Variants in ADAMTS17 observed in about 807,000 individuals in gnomAD.
ADAMTS17 encodes A disintegrin and metalloproteinase with thrombospondin motifs 17.
Under a neutral mutation model 141.5 loss-of-function variants are expected in ADAMTS17, and 113 were observed. The observed-to-expected ratio is 0.80, with a 90% CI of 0.69 to 0.93. The LOEUF (loss-of-function observed/expected upper bound fraction) is 0.93. Ranked by LOEUF, ADAMTS17 falls within the 40% of genes least tolerant of loss-of-function variation. The pLI, the probability that ADAMTS17 is intolerant of heterozygous loss-of-function variation, is 0.00. For synonymous variants in ADAMTS17, 768 were observed against 630.6 expected, an observed-to-expected ratio of 1.22 and a Z score of -3.27; for missense variants, 1,659 against 1,517.9, an observed-to-expected ratio of 1.09 and a Z score of -1.54.
intron 4 of ADAMTS17, among the ~76,000 whole-genome samples, chr15:100,271,289 T>G (rs578220037): frequency 7.9e-5 from 12 of 152,242 alleles, no homozygotes; most frequent in Non-Finnish European, 1.6e-4. Context: ...TGCTAGATCA[T>G]ATGGTAATTC....
intron 18 of ADAMTS17, among the ~76,000 whole-genome samples, chr15:100,015,225 C>T (rs1354832798): frequency 6.6e-6 from 1 of 152,086 alleles, no homozygotes; most frequent in Admixed American, 6.5e-5. Flanking sequence ...TGCCTTTTTC[C>T]ACCCCTTTAC....
At chr15:100,168,980 T>C (rs1274058280) in intron 8 of ADAMTS17, among the ~76,000 whole-genome samples, 2 of 152,164 alleles carry the variant, frequency 1.3e-5, no homozygotes, top group Non-Finnish European at 2.9e-5. Flanking sequence ...ATGGCAGATG[T>C]GTTGGGCATC....
chr15:100,109,502 G>C (rs556297263), intron 13 of ADAMTS17, among the ~76,000 whole-genome samples: 73 of 152,168 alleles, frequency 4.8e-4, no homozygotes, highest in African/African-American at 1.7e-3. Context: ...GGAGGGGAAG[G>C]GGAACGAGAA....
chr15:100,316,789 CCTCT>C (rs1161591833), intron 3 of ADAMTS17, among the ~76,000 whole-genome samples: 3 of 149,500 alleles, frequency 2.0e-5, no homozygotes, highest in South Asian at 4.1e-4. Flanking sequence ...ACATGCATTC[CCTCT>C]CTCTCAGAGA....
chr15:100,035,637 C>T (rs2030630648), intron 18 of ADAMTS17, among the ~76,000 whole-genome samples: 1 of 151,992 alleles, frequency 6.6e-6, no homozygotes, highest in Admixed American at 6.5e-5. Context: ...TGCCGAGTCT[C>T]GGGGCTAGCT....
At chr15:100,316,062 A>C (rs2045556579) in intron 3 of ADAMTS17, among the ~76,000 whole-genome samples, 1 of 152,264 alleles carries the variant, frequency 6.6e-6, no homozygotes, top group Non-Finnish European at 1.5e-5. Flanking sequence ...CAGGTTGTTC[A>C]TGCAGGAAGA....
chr15:100,171,483 C>T (rs140538678), intron 8 of ADAMTS17, among the ~76,000 whole-genome samples: 33 of 152,298 alleles, frequency 2.2e-4, no homozygotes, highest in Non-Finnish European at 3.4e-4. Context: ...GTGACACAAA[C>T]CCTGACCCCT....
intron 3 of ADAMTS17, among the ~76,000 whole-genome samples, chr15:100,322,696 T>C (rs976215553): frequency 6.6e-6 from 1 of 152,208 alleles, no homozygotes; most frequent in African/African-American, 2.4e-5. Flanking sequence ...GAAAATGTGC[T>C]CATGATGGAT....
chr15:99,977,302 G>A (rs2060355886), intron 20 of ADAMTS17, among the ~76,000 whole-genome samples: 1 of 135,458 alleles, frequency 7.4e-6, no homozygotes, highest in Non-Finnish European at 1.5e-5. Context: ...TTCCCAAGGA[G>A]TGGACCCGGT....
chr15:100,333,140 C>T (rs1286722474), intron 2 of ADAMTS17, among the ~76,000 whole-genome samples: 3 of 152,254 alleles, frequency 2.0e-5, no homozygotes, highest in East Asian at 1.9e-4. Context: ...CTAAATAAAC[C>T]CCCTTCCCCG....
chr15:100,095,201 C>G (rs9920354), intron 15 of ADAMTS17, among the ~76,000 whole-genome samples: 39,462 of 152,132 alleles, frequency 0.26, 6,948 homozygotes, highest in East Asian at 0.53. Context: ...GCAGGCACAG[C>G]TTCTCACACT....
At chr15:100,133,420 G>A (rs959481404) in intron 10 of ADAMTS17, 105 bp from the exon 11 acceptor site, 12 of 1,085,924 alleles carry the variant, frequency 1.1e-5, no homozygotes, top group Middle Eastern at 2.0e-4. Context: ...TTTGGGATTC[G>A]AAACGTATGG....
At chr15:100,091,010 C>CAAAAAAAA (rs556800178) in intron 15 of ADAMTS17, among the ~76,000 whole-genome samples, 2,054 of 54,436 alleles carry the variant, frequency 0.038, 164 homozygotes, top group African/African-American at 0.14. Context: ...TCCGTCTCAA[C>CAAAAAAAA]AAAAAAAAAA....
At chr15:100,242,239 T>G (rs2042849692) in intron 7 of ADAMTS17, among the ~76,000 whole-genome samples, 2 of 152,182 alleles carry the variant, frequency 1.3e-5, no homozygotes, top group Admixed American at 1.3e-4. Context: ...ACCTTGCTCT[T>G]TACACCGTGA....
At chr15:100,141,172 A>G (rs930133641) in intron 10 of ADAMTS17, among the ~76,000 whole-genome samples, 3 of 152,196 alleles carry the variant, frequency 2.0e-5, no homozygotes, top group African/African-American at 7.2e-5. Context: ...GTTTTGCTGC[A>G]TAGTTCCTCG....
At chr15:99,995,907 G>C (rs1317229927) in intron 19 of ADAMTS17, among the ~76,000 whole-genome samples, 1 of 152,214 alleles carries the variant, frequency 6.6e-6, no homozygotes, top group East Asian at 1.9e-4. Context: ...TATGCACATA[G>C]ATACAGACAC....
At chr15:100,293,044 C>T (rs1324035645) in intron 3 of ADAMTS17, among the ~76,000 whole-genome samples, 3 of 152,148 alleles carry the variant, frequency 2.0e-5, no homozygotes, top group African/African-American at 7.2e-5. Flanking sequence ...CTTATAGGAA[C>T]CTTCGAAAAT....
In ADAMTS17 at chr15:100,109,121, G is replaced by C; in HGVS notation, c.1889-5C>G. On this transcript the variant is annotated splice_region_variant and splice_polypyrimidine_tract_variant and intron_variant, in intron 13 of 21. Coordinates refer to ENST00000268070, the MANE Select transcript of ADAMTS17 (RefSeq NM_139057.4). The stretch of plus-strand genomic sequence containing the variant: ...AGTAGAGTTCACATGGCTTATCTGA[G>C]GAGGGAAAGGTTGGAGGACGTTGAC... 6.2e-7 allele frequency: 1 copy of C among 1,608,930 alleles called. No homozygotes were observed.
At chr15:100,016,944 T>C (rs186757833) in intron 18 of ADAMTS17, among the ~76,000 whole-genome samples, 2 of 152,242 alleles carry the variant, frequency 1.3e-5, no homozygotes, top group African/African-American at 4.8e-5. Flanking sequence ...TATATGCCAT[T>C]TGTCTTCAGT....
Sources: gnomAD v4.1 joint callset for allele counts (sites outside exome capture counted in the v4.1 genomes callset) on GRCh38, gnomAD v4.1.1 for gene constraint, MANE v1.5 for transcripts, NCBI Gene and HGNC (gene_info 2026-07-23, HGNC 2026-07-21) for gene names.